The following PRIM2 variants were observed in gnomAD, a reference collection of about 807,000 sequenced individuals.
PRIM2 encodes the protein DNA primase subunit 2.
Under a neutral mutation model 67.3 loss-of-function variants are expected in PRIM2, and 39 were observed. That is an observed-to-expected ratio of 0.58 (90% CI 0.45 to 0.76). PRIM2 has a LOEUF of 0.76. PRIM2 is among the 30% of genes least tolerant of loss of function. The pLI, the probability that PRIM2 is intolerant of heterozygous loss-of-function variation, is 0.00. For synonymous variants in PRIM2, 143 were observed against 198.7 expected (o/e 0.72, Z 2.36); for missense variants, 398 against 598.7 (o/e 0.66, Z 3.50).
At chr6:57,342,394 G>GT (rs1205994922) in intron 5 of PRIM2, among the ~76,000 whole-genome samples, 1 of 152,130 alleles carries the variant, frequency 6.6e-6, no homozygotes, top group Non-Finnish European at 1.5e-5. Context: ...CACATTAAAG[G>GT]TGAATGGGTA....
At chr6:57,524,650 G>A (rs1176812450) in intron 8 of PRIM2, among the ~76,000 whole-genome samples, 1 of 151,842 alleles carries the variant, frequency 6.6e-6, no homozygotes, top group Admixed American at 6.6e-5. Context: ...GCGGTGAGCC[G>A]AGATCGTACC....
At chr6:57,599,274 C>T (rs1294977429) in intron 10 of PRIM2, among the ~76,000 whole-genome samples, 4 of 108,542 alleles carry the variant, frequency 3.7e-5, no homozygotes, top group African/African-American at 8.4e-5. Flanking sequence ...GAGATCTGCA[C>T]GAGCTCCAGT....
chr6:57,604,716 A>G, intron 11 of PRIM2, among the ~76,000 whole-genome samples: 1 of 150,256 alleles, frequency 6.7e-6, no homozygotes, highest in Middle Eastern at 3.4e-3. Flanking sequence ...TTTGAGACAG[A>G]GTCTCACTCT....
intron 5 of PRIM2, among the ~76,000 whole-genome samples, chr6:57,361,143 T>A (rs1769185702): frequency 6.6e-6 from 1 of 152,164 alleles, no homozygotes. Flanking sequence ...TCTTATATTG[T>A]ATTTCTAATG....
At chr6:57,406,801 G>T (rs1198215818) in intron 7 of PRIM2, among the ~76,000 whole-genome samples, 2 of 152,116 alleles carry the variant, frequency 1.3e-5, no homozygotes, top group Non-Finnish European at 1.5e-5. Flanking sequence ...CATTTTAAAA[G>T]AGAGACCTAA....
intron 7 of PRIM2, among the ~76,000 whole-genome samples, chr6:57,482,419 A>G (rs1773650744): frequency 6.6e-6 from 1 of 152,104 alleles, no homozygotes; most frequent in African/African-American, 2.4e-5. Context: ...GGTTGGGGGG[A>G]CCAATTTAAT....
chr6:57,626,805 T>C (rs1776956501), intron 12 of PRIM2, among the ~76,000 whole-genome samples: 1 of 151,998 alleles, frequency 6.6e-6, no homozygotes, highest in Non-Finnish European at 1.5e-5. Flanking sequence ...TTTGTATTTT[T>C]ATTAGAGACA....
At chr6:57,357,725 A>T (rs1769077123) in intron 5 of PRIM2, among the ~76,000 whole-genome samples, 1 of 151,746 alleles carries the variant, frequency 6.6e-6, no homozygotes, top group African/African-American at 2.4e-5. Context: ...CCTCCTGAGT[A>T]GCTAGGATTA....
intron 10 of PRIM2, among the ~76,000 whole-genome samples, chr6:57,580,352 A>C (rs1776058686): frequency 5.3e-5 from 8 of 152,322 alleles, no homozygotes; most frequent in Non-Finnish European, 1.5e-5. Context: ...TTTTTTCTTT[A>C]CCCATCTTTA....
chr6:57,274,312 C>A, the PRIM2 span, among the ~76,000 whole-genome samples: 19,827 of 152,004 alleles, frequency 0.13, 1,390 homozygotes, highest in East Asian at 0.21. Context: ...TTTACCTAAT[C>A]AAGTCTCGGC....
chr6:57,341,256 G>A (rs1768477232), intron 5 of PRIM2, among the ~76,000 whole-genome samples: 1 of 152,114 alleles, frequency 6.6e-6, no homozygotes, highest in Non-Finnish European at 1.5e-5. Flanking sequence ...AGTCCTCCTA[G>A]GGTGTTTATT....
intron 7 of PRIM2, among the ~76,000 whole-genome samples, chr6:57,394,351 C>T (rs1416880521): frequency 9.9e-5 from 15 of 152,016 alleles, no homozygotes; most frequent in East Asian, 3.9e-4. Context: ...CAGTGTTTTG[C>T]GGTTTTCCTT....
intron 7 of PRIM2, among the ~76,000 whole-genome samples, chr6:57,473,316 A>G (rs1773382217): frequency 6.6e-6 from 1 of 152,226 alleles, no homozygotes; most frequent in Non-Finnish European, 1.5e-5. Flanking sequence ...TTAATCAAAA[A>G]GTATTTATGC....
intron 11 of PRIM2, among the ~76,000 whole-genome samples, chr6:57,601,948 A>G (rs1361685455): frequency 1.8e-4 from 28 of 152,236 alleles, no homozygotes; most frequent in African/African-American, 5.8e-4. Context: ...AAGACATTCT[A>G]TGTGACCAAA....
intron 5 of PRIM2, among the ~76,000 whole-genome samples, chr6:57,351,570 G>T (rs1461774887): frequency 6.6e-6 from 1 of 152,146 alleles, no homozygotes; most frequent in Non-Finnish European, 1.5e-5. Flanking sequence ...CTAATGGAAT[G>T]TGCAGTGAAG....
intron 7 of PRIM2, among the ~76,000 whole-genome samples, chr6:57,489,932 T>C (rs1258151639): frequency 2.0e-5 from 3 of 151,314 alleles, no homozygotes; most frequent in African/African-American, 7.3e-5. Context: ...TAAGTGTTTT[T>C]TTTTTTTTTT....
At chr6:57,588,321 A>G (rs1213525747) in intron 10 of PRIM2, among the ~76,000 whole-genome samples, 1 of 152,036 alleles carries the variant, frequency 6.6e-6, no homozygotes, top group Non-Finnish European at 1.5e-5. Flanking sequence ...AAACCCCACC[A>G]CTGGTAAAGT....
chr6:57,304,171 T>G, the PRIM2 span, among the ~76,000 whole-genome samples: 1 of 151,912 alleles, frequency 6.6e-6, no homozygotes, highest in African/African-American at 2.4e-5. Flanking sequence ...AACACAGTCA[T>G]CCAGACAACC....
chr6:57,556,709 C>G (rs1310046762), intron 10 of PRIM2, among the ~76,000 whole-genome samples: 5 of 152,248 alleles, frequency 3.3e-5, no homozygotes, highest in African/African-American at 9.6e-5. Context: ...ACAGTACCAT[C>G]CTGGACATTA....
Sources: allele counts gnomAD v4.1 joint callset (sites outside exome capture counted in the v4.1 genomes callset), GRCh38; gene constraint gnomAD v4.1.1; transcripts MANE v1.5; gene names NCBI Gene and HGNC (gene_info 2026-07-23, HGNC 2026-07-21).